Variants in RBFOX1 observed in about 807,000 individuals in gnomAD.
RBFOX1 encodes RNA binding protein fox-1 homolog 1.
A neutral mutation model predicts 57.7 loss-of-function variants in RBFOX1; 8 were observed. The ratio of observed to expected loss-of-function variants is 0.14; its 90% confidence interval spans 0.08 to 0.25. RBFOX1 has a LOEUF of 0.25. Ranked by LOEUF, RBFOX1 falls within the 10% of genes least tolerant of loss-of-function variation. The probability of loss-of-function intolerance (pLI) is 1.00; values close to 1 mark genes in which losing one functional copy is unlikely to be tolerated. For synonymous variants in RBFOX1, 326 were observed against 222.4 expected (o/e 1.47, Z -4.15); for missense variants, 611 against 548.5 (o/e 1.11, Z -1.14).
At chr16:5,308,165 C>G (rs944891229) in intron 1 of RBFOX1, among the ~76,000 whole-genome samples, 1 of 151,922 alleles carries the variant, frequency 6.6e-6, no homozygotes, top group African/African-American at 2.4e-5. Context: ...CATAGTGAAG[C>G]CCCATCTTTA....
chr16:5,253,661 T>G (rs1295483520), intron 1 of RBFOX1, among the ~76,000 whole-genome samples: 5 of 152,244 alleles, frequency 3.3e-5, no homozygotes, highest in African/African-American at 7.2e-5. Flanking sequence ...AGTTTCTATT[T>G]AGTCATTGCT....
chr16:6,536,734 T>G (rs1029873069), intron 2 of RBFOX1, among the ~76,000 whole-genome samples: 5 of 152,148 alleles, frequency 3.3e-5, no homozygotes, highest in Admixed American at 3.3e-4. Context: ...AGATGGCTTC[T>G]AAGTGGAAAG....
At chr16:5,425,902 A>G (rs2067545206) in intron 1 of RBFOX1, among the ~76,000 whole-genome samples, 1 of 152,174 alleles carries the variant, frequency 6.6e-6, no homozygotes, top group Non-Finnish European at 1.5e-5. Context: ...CTATGTCTGC[A>G]GCGGTGTGTG....
chr16:5,268,768 A>T (rs1292890227), intron 1 of RBFOX1, among the ~76,000 whole-genome samples: 1 of 152,250 alleles, frequency 6.6e-6, no homozygotes, highest in Non-Finnish European at 1.5e-5. Flanking sequence ...CTGGGAGTAC[A>T]ATTGCTGGGT....
chr16:7,288,039 C>G (rs1254011640), intron 4 of RBFOX1, among the ~76,000 whole-genome samples: 3 of 152,080 alleles, frequency 2.0e-5, no homozygotes, highest in Non-Finnish European at 4.4e-5. Context: ...TCCTCATGTT[C>G]TGTAGAAGGG....
intron 2 of RBFOX1, among the ~76,000 whole-genome samples, chr16:6,479,587 C>T (rs2095337865): frequency 6.6e-6 from 1 of 151,620 alleles, no homozygotes; most frequent in Admixed American, 6.6e-5. Context: ...GATGCTGTCT[C>T]AAAAAAGAAA....
At chr16:6,518,809 A>G (rs55916040) in intron 2 of RBFOX1, among the ~76,000 whole-genome samples, 7,983 of 100,218 alleles carry the variant, frequency 0.08, 368 homozygotes, top group African/African-American at 0.16. Flanking sequence ...CTATCTATCT[A>G]TCTATCTATC....
At chr16:7,709,634 G>A (rs928315151) in intron 15 of RBFOX1, 5 of 1,530,586 alleles carry the variant, frequency 3.3e-6, no homozygotes, top group African/African-American at 2.8e-5. Flanking sequence ...GCCCAGGAAA[G>A]AAAATAGAGA....
At chr16:6,896,872 G>A (rs2067053432) in intron 3 of RBFOX1, among the ~76,000 whole-genome samples, 1 of 152,144 alleles carries the variant, frequency 6.6e-6, no homozygotes, top group East Asian at 1.9e-4. Flanking sequence ...AGAGTGGTGA[G>A]AAATGATTAG....
chr16:7,234,842 TG>T (rs958644061), intron 4 of RBFOX1, among the ~76,000 whole-genome samples: 7 of 152,142 alleles, frequency 4.6e-5, no homozygotes, highest in African/African-American at 1.4e-4. Context: ...GGTACGTGGA[TG>T]TTTTTTAGCA....
intron 1 of RBFOX1, among the ~76,000 whole-genome samples, chr16:6,255,262 C>G (rs1320721740): frequency 6.6e-6 from 1 of 152,158 alleles, no homozygotes; most frequent in Admixed American, 6.5e-5. Flanking sequence ...ACAGAGCCTC[C>G]ATTCCCAGGC....
At chr16:6,921,011 A>G (rs2074334956) in intron 3 of RBFOX1, among the ~76,000 whole-genome samples, 1 of 152,174 alleles carries the variant, frequency 6.6e-6, no homozygotes, top group Non-Finnish European at 1.5e-5. Context: ...TTTGACTGGA[A>G]CACAGTATCT....
intron 2 of RBFOX1, among the ~76,000 whole-genome samples, chr16:6,487,979 C>T (rs1209839834): frequency 2.0e-5 from 3 of 151,890 alleles, no homozygotes; most frequent in African/African-American, 7.3e-5. Flanking sequence ...TTAACTTGTT[C>T]ACACAAAGAG....
At chr16:5,485,345 C>CAAAAAAAA (rs71142624) in intron 2 of RBFOX1, among the ~76,000 whole-genome samples, 577 of 51,648 alleles carry the variant, frequency 0.011, 76 homozygotes, top group Non-Finnish European at 0.016. Flanking sequence ...GACTCCGTGT[C>CAAAAAAAA]AAAAAAAAAA....
chr16:6,945,087 C>G (rs2079234454), intron 3 of RBFOX1, among the ~76,000 whole-genome samples: 1 of 152,074 alleles, frequency 6.6e-6, no homozygotes, highest in South Asian at 2.1e-4. Flanking sequence ...AGAGCAGGGG[C>G]CAGCTCTGCA....
At chr16:5,498,128 A>C (rs183412525) in intron 2 of RBFOX1, among the ~76,000 whole-genome samples, 282 of 152,134 alleles carry the variant, frequency 1.9e-3, no homozygotes, top group African/African-American at 6.4e-3. Flanking sequence ...AGGGGATTGC[A>C]TTTTATTCTT....
chr16:6,981,607 G>T (rs2088894698), intron 3 of RBFOX1, among the ~76,000 whole-genome samples: 1 of 152,180 alleles, frequency 6.6e-6, no homozygotes, highest in African/African-American at 2.4e-5. Flanking sequence ...CAGTCATGAT[G>T]GGAGGCAAAG....
At chr16:6,555,412 C>T (rs1001305590) in intron 2 of RBFOX1, among the ~76,000 whole-genome samples, 7 of 152,038 alleles carry the variant, frequency 4.6e-5, no homozygotes, top group African/African-American at 2.4e-5. Context: ...TAAAGGATAC[C>T]ATTCCAGCTG....
At chr16:5,769,037 C>T (rs2053887239) in intron 3 of RBFOX1, among the ~76,000 whole-genome samples, 1 of 151,620 alleles carries the variant, frequency 6.6e-6, no homozygotes, top group African/African-American at 2.4e-5. Flanking sequence ...CAGCAGAAAG[C>T]CTTGTTATAA....
Sources: allele counts gnomAD v4.1 joint callset (sites outside exome capture counted in the v4.1 genomes callset), GRCh38; gene constraint gnomAD v4.1.1; transcripts MANE v1.5; gene names NCBI Gene and HGNC (gene_info 2026-07-23, HGNC 2026-07-21).